Variants in TMTC1 observed in about 807,000 individuals in gnomAD.
TMTC1 encodes the protein protein O-mannosyl-transferase TMTC1.
A neutral mutation model predicts 104.8 loss-of-function variants in TMTC1; 73 were observed. The observed-to-expected ratio is 0.70, with a 90% CI of 0.58 to 0.85. The LOEUF is 0.85. Ranked by LOEUF, TMTC1 falls within the 40% of genes least tolerant of loss-of-function variation. The probability of loss-of-function intolerance (pLI) is 0.00; values close to 1 mark genes in which losing one functional copy is unlikely to be tolerated. For missense variants in TMTC1, 1,035 were observed against 1,096.1 expected (o/e 0.94, Z 0.79); for synonymous variants, 434 against 428.7 (o/e 1.01, Z -0.15).
intron 8 of TMTC1, among the ~76,000 whole-genome samples, chr12:29,574,625 T>C (rs1029962595): frequency 1.2e-4 from 19 of 152,334 alleles, no homozygotes; most frequent in African/African-American, 4.6e-4. Flanking sequence ...GCCTCGCAGA[T>C]GGTCACATTC....
At chr12:29,746,507 A>G (rs302328) in intron 5 of TMTC1, among the ~76,000 whole-genome samples, 48,026 of 152,104 alleles carry the variant, frequency 0.32, 7,702 homozygotes, top group Non-Finnish European at 0.36. Flanking sequence ...GTGACATAAA[A>G]GTTCAAAAGC....
At chr12:29,685,346 T>C (rs1242734580) in intron 5 of TMTC1, among the ~76,000 whole-genome samples, 9 of 150,904 alleles carry the variant, frequency 6.0e-5, no homozygotes, top group African/African-American at 2.2e-4. Context: ...CTATCCTTTG[T>C]TACCAAAATT....
At chr12:29,701,889 G>C (rs550708840) in intron 5 of TMTC1, among the ~76,000 whole-genome samples, 10 of 152,204 alleles carry the variant, frequency 6.6e-5, no homozygotes, top group South Asian at 2.1e-4. Flanking sequence ...AATAAGGTAA[G>C]GTAGGTCCAT....
intron 17 of TMTC1, 55 bp downstream of exon 17, chr12:29,511,988 G>C (rs375335357): frequency 1.2e-5 from 17 of 1,475,820 alleles, no homozygotes; most frequent in Non-Finnish European, 1.4e-5. Flanking sequence ...AGAAGACAGA[G>C]AGAGAAAACA....
chr12:29,776,615 C>T (rs1376311542), intron 1 of TMTC1, among the ~76,000 whole-genome samples: 2 of 152,116 alleles, frequency 1.3e-5, no homozygotes, highest in East Asian at 1.9e-4. Flanking sequence ...AATCTTGAGT[C>T]CCTACTTTGC....
chr12:29,770,941 C>T (rs951506314), intron 1 of TMTC1, among the ~76,000 whole-genome samples: 1 of 152,094 alleles, frequency 6.6e-6, no homozygotes, highest in Non-Finnish European at 1.5e-5. Flanking sequence ...GCATGCATCA[C>T]ATCTTTATTT....
intron 7 of TMTC1, among the ~76,000 whole-genome samples, 159 bp downstream of exon 7, chr12:29,604,019 C>T (rs540169775): frequency 6.6e-6 from 1 of 152,342 alleles, no homozygotes; most frequent in African/African-American, 2.4e-5. Flanking sequence ...CATTTGCTCT[C>T]ATCCAACCTT....
chr12:29,551,579 A>C (rs1221032232), intron 10 of TMTC1, among the ~76,000 whole-genome samples: 3 of 152,170 alleles, frequency 2.0e-5, no homozygotes, highest in Non-Finnish European at 1.5e-5. Flanking sequence ...TTTTGGCAAT[A>C]AGGGAGGTAT....
chr12:29,723,111 T>C (rs1330043179), intron 5 of TMTC1, among the ~76,000 whole-genome samples: 2 of 151,972 alleles, frequency 1.3e-5, no homozygotes, highest in Non-Finnish European at 2.9e-5. Context: ...CTAAGAAGAT[T>C]TGAGCTTTAC....
chr12:29,774,934 A>G (rs1270811214), intron 1 of TMTC1, among the ~76,000 whole-genome samples: 1 of 152,232 alleles, frequency 6.6e-6, no homozygotes, highest in Non-Finnish European at 1.5e-5. Context: ...AGTTCAAGGC[A>G]TCACATCCTT....
intron 5 of TMTC1, among the ~76,000 whole-genome samples, chr12:29,720,347 T>C (rs1209862350): frequency 1.3e-5 from 2 of 152,182 alleles, no homozygotes; most frequent in Non-Finnish European, 2.9e-5. Flanking sequence ...TTTCTCCCAA[T>C]AAATATGGTG....
At chr12:29,776,619 A>G (rs1221544505) in intron 1 of TMTC1, among the ~76,000 whole-genome samples, 1 of 152,192 alleles carries the variant, frequency 6.6e-6, no homozygotes, top group Non-Finnish European at 1.5e-5. Flanking sequence ...TTGAGTCCCT[A>G]CTTTGCAAGC....
chr12:29,522,770 A>G (rs1237779625), intron 11 of TMTC1, among the ~76,000 whole-genome samples: 1 of 152,238 alleles, frequency 6.6e-6, no homozygotes, highest in East Asian at 1.9e-4. Flanking sequence ...TTCAAATCCA[A>G]GCCCCACCAT....
At position 29,767,938 on chromosome 12, in the gene TMTC1, G is replaced by A. The variant is rs761374402; in HGVS notation, c.440C>T (p.Thr147Met). 7.4e-5 allele frequency: 119 copies of A among 1,613,854 alleles called. 1 individual carries two copies. The highest frequency in any genetic ancestry group is 8.9e-5 in the East Asian group (4 of 44,844). ...VFKNRGLAFV[T>M]ALLFAVHPIH... is the part of the protein sequence containing the mutation. ...AGGATGTACAGCAAAAAGCAATGCCGTTACAAAAGCAAGTCCACGATTCTT... is the reference window on the plus strand; with the variant it reads ...AGGATGTACAGCAAAAAGCAATGCCATTACAAAAGCAAGTCCACGATTCTT... Residue 147 changes from threonine (T) to methionine (M), a missense_variant, in exon 2 of 18, where the codon ACG (threonine) becomes ATG (methionine). Transcript: ENST00000539277.
chr12:29,624,652 A>AC (rs1298599396), intron 6 of TMTC1, among the ~76,000 whole-genome samples: 5 of 152,068 alleles, frequency 3.3e-5, no homozygotes, highest in Non-Finnish European at 7.4e-5. Context: ...TCACCCTTGC[A>AC]CTTCCTTCAT....
At chr12:29,569,082 C>A in intron 9 of TMTC1, 1 of 436,488 alleles carries the variant, frequency 2.3e-6, no homozygotes. Context: ...TGACATTTTT[C>A]TTTGATGATT....
rs866636494 is a variant in TMTC1, at chr12:29,617,544, G to C, written c.1129-13245C>G. Reference sequence around the variant, plus strand: ...GTAAGCAAAACAGACAACAGAGAGAGAGAGAGAGAGAGAGAGAGAGAGAGA... The same window carrying C: ...GTAAGCAAAACAGACAACAGAGAGACAGAGAGAGAGAGAGAGAGAGAGAGA... On this transcript the variant is annotated intron_variant, in intron 6 of 17. Transcript: ENST00000539277. Among the ~76,000 whole-genome samples, 1,194 of 151,414 alleles carry C rather than the reference G, an allele frequency of 7.9e-3. 18 individuals are homozygous for C. Among genetic ancestry groups the C allele is most frequent in the African/African-American group, 0.028 (1,139 of 41,022 alleles).
chr12:29,582,624 C>T (rs1437026828), intron 8 of TMTC1, among the ~76,000 whole-genome samples: 3 of 152,172 alleles, frequency 2.0e-5, no homozygotes, highest in East Asian at 3.8e-4. Context: ...ATTCTGTATG[C>T]CTTCCTAGCC....
chr12:29,613,844 A>T, intron 6 of TMTC1: 1 of 581,246 alleles, frequency 1.7e-6, no homozygotes, highest in Non-Finnish European at 2.2e-6. Flanking sequence ...AAGCAGGATG[A>T]TCACTTCTTT....
Sources: gnomAD v4.1 joint callset for allele counts (sites outside exome capture counted in the v4.1 genomes callset) on GRCh38, gnomAD v4.1.1 for gene constraint, MANE v1.5 for transcripts, NCBI Gene and HGNC (gene_info 2026-07-23, HGNC 2026-07-21) for gene names.